The following CDH18 variants were observed in gnomAD, a reference collection of about 807,000 sequenced individuals.
The protein encoded by CDH18 is cadherin 18.
In CDH18, 31 loss-of-function variants were observed where a neutral mutation model predicts 67.9. The observed-to-expected ratio is 0.46, with a 90% CI of 0.34 to 0.62. The LOEUF (loss-of-function observed/expected upper bound fraction) is 0.62, where lower values mean the gene tolerates loss of function less well. Among genes scored for constraint, CDH18 ranks in the 20% least tolerant of loss-of-function variants. CDH18 has a pLI of 0.01. For synonymous variants in CDH18, 362 were observed against 347.2 expected, an observed-to-expected ratio of 1.04 and a Z score of -0.48; for missense variants, 890 against 975.5, an observed-to-expected ratio of 0.91 and a Z score of 1.17.
chr5:19,833,973 A>G (rs1781330964), intron 3 of CDH18, among the ~76,000 whole-genome samples: 1 of 151,704 alleles, frequency 6.6e-6, no homozygotes, highest in South Asian at 2.1e-4. Flanking sequence ...TATCGGCCTG[A>G]AGATTTTTTT....
At chr5:20,083,253 A>G (rs1744641689) in intron 2 of CDH18, among the ~76,000 whole-genome samples, 1 of 152,212 alleles carries the variant, frequency 6.6e-6, no homozygotes, top group Non-Finnish European at 1.5e-5. Flanking sequence ...ATGAAAAGGA[A>G]TAATTAATAT....
chr5:19,780,697 T>C (rs1378854251), intron 3 of CDH18, among the ~76,000 whole-genome samples: 2 of 152,134 alleles, frequency 1.3e-5, no homozygotes, highest in Non-Finnish European at 2.9e-5. Context: ...CAATACCAGC[T>C]GCAAATTCAC....
At chr5:20,551,135 T>C (rs990937296) in intron 1 of CDH18, among the ~76,000 whole-genome samples, 1 of 151,984 alleles carries the variant, frequency 6.6e-6, no homozygotes, top group Non-Finnish European at 1.5e-5. Flanking sequence ...ACATCAGGAG[T>C]AAATGTAAAT....
At chr5:20,359,970 T>A (rs1201597718) in intron 1 of CDH18, among the ~76,000 whole-genome samples, 1 of 150,776 alleles carries the variant, frequency 6.6e-6, no homozygotes, top group Non-Finnish European at 1.5e-5. Flanking sequence ...ATTTATCCAA[T>A]ACATTATGCC....
At position 19,657,545 on chromosome 5, in the gene CDH18, G is replaced by A. The variant is rs115952223; in HGVS notation, c.644-44944C>T. On this transcript the variant is annotated intron_variant, in intron 5 of 12. Transcript: ENST00000382275. ...TTATCAATTTGTTTTTAATAAATAG[G>A]TTTATACAGTTGCTGTTACTAATAA... Among the ~76,000 whole-genome samples, 781 of 152,070 alleles carry A rather than the reference G, an allele frequency of 5.1e-3. 8 individuals are homozygous for A. Among genetic ancestry groups the A allele is most frequent in the African/African-American group, 0.018 (752 of 41,510 alleles).
At chr5:20,121,964 T>C (rs1748389075) in intron 2 of CDH18, among the ~76,000 whole-genome samples, 2 of 152,196 alleles carry the variant, frequency 1.3e-5, no homozygotes, top group Admixed American at 1.3e-4. Context: ...GCACACGGAA[T>C]GTGGGCTTCA....
chr5:19,936,940 A>G (rs1030769662), intron 2 of CDH18, among the ~76,000 whole-genome samples: 3 of 151,312 alleles, frequency 2.0e-5, no homozygotes, highest in Middle Eastern at 3.2e-3. Flanking sequence ...TTTCAGTTTC[A>G]AAAAATACTT....
intron 1 of CDH18, among the ~76,000 whole-genome samples, chr5:20,502,564 G>T (rs1378940995): frequency 1.3e-5 from 2 of 152,118 alleles, no homozygotes; most frequent in Non-Finnish European, 1.5e-5. Flanking sequence ...AATAGATGCT[G>T]TTTTTATTTT....
intron 2 of CDH18, among the ~76,000 whole-genome samples, chr5:20,194,669 T>A (rs1009230730): frequency 7.9e-5 from 11 of 139,278 alleles, no homozygotes; most frequent in South Asian, 4.2e-4. Context: ...TTTTTTTTTT[T>A]AAAAAGAATG....
At chr5:20,439,645 C>T (rs13357681) in intron 1 of CDH18, among the ~76,000 whole-genome samples, 27,807 of 151,570 alleles carry the variant, frequency 0.18, 3,162 homozygotes, top group East Asian at 0.3. Context: ...CTATTTTATA[C>T]TTGATATAAC....
chr5:19,869,900 A>T (rs2150015019), intron 2 of CDH18, among the ~76,000 whole-genome samples: 1 of 152,274 alleles, frequency 6.6e-6, no homozygotes, highest in South Asian at 2.1e-4. Flanking sequence ...TACTAGAACA[A>T]CTAACATATC....
chr5:20,298,985 T>C (rs1414387491), intron 1 of CDH18, among the ~76,000 whole-genome samples: 25 of 152,136 alleles, frequency 1.6e-4, no homozygotes, highest in Non-Finnish European at 1.5e-5. Flanking sequence ...GATGGGGAGA[T>C]ATAGGAGATA....
intron 2 of CDH18, among the ~76,000 whole-genome samples, chr5:20,032,025 A>G (rs1390838482): frequency 2.0e-5 from 3 of 152,066 alleles, no homozygotes; most frequent in Non-Finnish European, 4.4e-5. Flanking sequence ...CTACCAATCC[A>G]CACAGCAGAA....
chr5:19,486,813 AATAAG>A (rs66839902), intron 11 of CDH18, among the ~76,000 whole-genome samples: 14,436 of 152,104 alleles, frequency 0.095, 884 homozygotes, highest in Admixed American at 0.13. Context: ...TAAATAAATA[AATAAG>A]ATATTATAGA....
At chr5:20,198,078 C>T (rs1247505874) in intron 2 of CDH18, among the ~76,000 whole-genome samples, 1 of 152,118 alleles carries the variant, frequency 6.6e-6, no homozygotes, top group Non-Finnish European at 1.5e-5. Flanking sequence ...CCTGAGGCAT[C>T]CCCAGCCATG....
At chr5:19,940,872 A>G (rs1406968080) in intron 2 of CDH18, among the ~76,000 whole-genome samples, 2 of 152,140 alleles carry the variant, frequency 1.3e-5, no homozygotes, top group Non-Finnish European at 2.9e-5. Flanking sequence ...CCCAAGTAGA[A>G]TTCAAGATAC....
intron 1 of CDH18, among the ~76,000 whole-genome samples, chr5:20,537,065 T>C (rs564513355): frequency 6.6e-6 from 1 of 152,246 alleles, no homozygotes; most frequent in East Asian, 1.9e-4. Context: ...CAGAACCTGT[T>C]GGGCAACAGG....
At chr5:20,061,629 A>T (rs764251106) in intron 2 of CDH18, among the ~76,000 whole-genome samples, 1 of 152,204 alleles carries the variant, frequency 6.6e-6, no homozygotes, top group Non-Finnish European at 1.5e-5. Context: ...TATTACTAAA[A>T]TTGTTAAAAA....
intron 2 of CDH18, among the ~76,000 whole-genome samples, chr5:20,076,073 C>T (rs1048120796): frequency 1.3e-5 from 2 of 151,994 alleles, no homozygotes; most frequent in Non-Finnish European, 2.9e-5. Flanking sequence ...TTCACTTGTA[C>T]CCCTTAAATC....
Sources: allele counts gnomAD v4.1 joint callset (sites outside exome capture counted in the v4.1 genomes callset), GRCh38; gene constraint gnomAD v4.1.1; transcripts MANE v1.5; gene names NCBI Gene and HGNC (gene_info 2026-07-23, HGNC 2026-07-21).